Variants in MYO1B observed in about 807,000 individuals in gnomAD.
MYO1B encodes the protein unconventional myosin-Ib.
MYO1B carries 72 observed loss-of-function variants against 159.7 expected under a neutral mutation model. The observed-to-expected ratio is 0.45, with a 90% CI of 0.37 to 0.55. The LOEUF (loss-of-function observed/expected upper bound fraction) is 0.55. Ranked by LOEUF, MYO1B falls within the 20% of genes least tolerant of loss-of-function variation. The pLI is 0.00. For synonymous variants in MYO1B, 468 were observed against 473.8 expected, an observed-to-expected ratio of 0.99 and a Z score of 0.16; for missense variants, 1,062 against 1,364.8, an observed-to-expected ratio of 0.78 and a Z score of 3.50.
chr2:191,361,529 C>G (rs1381733862), intron 8 of MYO1B, among the ~76,000 whole-genome samples: 1 of 151,572 alleles, frequency 6.6e-6, no homozygotes, highest in East Asian at 1.9e-4. Flanking sequence ...GTCATCTTCA[C>G]TAATAATCAA....
At chr2:191,412,502 C>T (rs1697308377) in intron 27 of MYO1B, among the ~76,000 whole-genome samples, 1 of 152,226 alleles carries the variant, frequency 6.6e-6, no homozygotes, top group Admixed American at 6.5e-5. Context: ...ACTCACCCCA[C>T]AGCAGTGAGA....
At chr2:191,259,290 G>A (rs556077735) in intron 1 of MYO1B, among the ~76,000 whole-genome samples, 1 of 152,198 alleles carries the variant, frequency 6.6e-6, no homozygotes, top group African/African-American at 2.4e-5. Flanking sequence ...GTTTGAGTTG[G>A]TATTGCAACA....
intron 2 of MYO1B, among the ~76,000 whole-genome samples, chr2:191,291,148 G>T (rs1378158): frequency 0.99 from 151,282 of 152,338 alleles, 75,121 homozygotes; most frequent in East Asian, 1. Context: ...AAGGCTTTTC[G>T]TTTGGCTTCT....
chr2:191,393,162 A>T lies in MYO1B; in HGVS notation c.2166A>T (p.Thr722=), dbSNP rs771177370. Residue 722 remains threonine (T), a synonymous_variant, in exon 20 of 31, where the codon ACA becomes ACT. Coordinates refer to ENST00000392318, the MANE Select transcript of MYO1B (RefSeq NM_001130158.3). ...TATATCGGGGGTGGAAATGCCGCAC[A>T]CACTTCCTGCTAATGAAAAAAAGCC... ...QKIYRGWKCR[T]HFLLMKKSQI... is the part of the protein sequence containing the mutation. The T allele has an allele frequency of 3.1e-6, 5 of 1,614,048 alleles. No homozygotes were observed. Among genetic ancestry groups the T allele is most frequent in the Non-Finnish European group, 1.7e-6 (2 of 1,179,974 alleles).
intron 3 of MYO1B, among the ~76,000 whole-genome samples, chr2:191,303,089 A>G (rs6750360): frequency 0.53 from 80,500 of 152,064 alleles, 22,056 homozygotes; most frequent in East Asian, 0.65. Flanking sequence ...ATTTCTGACT[A>G]TATCTCAAAA....
Position 191,299,940 on chromosome 2 carries a change from T to G in MYO1B, c.251+3714T>G, listed in dbSNP as rs557998547. ...AAAGGAAAGCTATTTCTATTAACAA[T>G]GAGAATTATAGCAATTGTTGTAATA... On this transcript the variant is annotated intron_variant, in intron 3 of 30. Coordinates refer to ENST00000392318, the MANE Select transcript of MYO1B (RefSeq NM_001130158.3). Among the ~76,000 whole-genome samples, 12 of 152,338 alleles carry G rather than the reference T, an allele frequency of 7.9e-5. No individual in the cohort carries two copies. The South Asian group carries it at 2.5e-3, about 32-fold the overall frequency.
At chr2:191,416,325 C>T (rs1697562410) in intron 30 of MYO1B, 83 bp downstream of exon 30, 1 of 1,495,066 alleles carries the variant, frequency 6.7e-7, no homozygotes, top group African/African-American at 1.4e-5. Flanking sequence ...TTCATTAATA[C>T]AACTACTTAT....
chr2:191,331,397 G>T (rs1219844751), intron 4 of MYO1B, among the ~76,000 whole-genome samples: 1 of 152,124 alleles, frequency 6.6e-6, no homozygotes, highest in Non-Finnish European at 1.5e-5. Flanking sequence ...TGGATTTGTT[G>T]TACAGGTTCA....
intron 13 of MYO1B, among the ~76,000 whole-genome samples, chr2:191,372,760 A>G (rs892538031): frequency 3.9e-5 from 6 of 151,960 alleles, no homozygotes; most frequent in African/African-American, 1.5e-4. Flanking sequence ...GGTTAATTCA[A>G]GTTTCTCTCC....
intron 1 of MYO1B, among the ~76,000 whole-genome samples, chr2:191,259,784 C>T (rs1257820414): frequency 6.6e-6 from 1 of 152,110 alleles, no homozygotes. Context: ...TCTGGGATAA[C>T]TCCCTAGTTT....
At chr2:191,319,056 G>A (rs1456200873) in intron 3 of MYO1B, among the ~76,000 whole-genome samples, 2 of 152,100 alleles carry the variant, frequency 1.3e-5, no homozygotes, top group African/African-American at 4.8e-5. Flanking sequence ...AGGAAGAGGA[G>A]GGCTGCAGGG....
At chr2:191,350,838 TGAGG>T (rs1692871642) in intron 7 of MYO1B, among the ~76,000 whole-genome samples, 1 of 150,616 alleles carries the variant, frequency 6.6e-6, no homozygotes, top group Non-Finnish European at 1.5e-5. Context: ...CACAATCAGA[TGAGG>T]TCTGCTCATT....
At chr2:191,258,907 C>T (rs569878184) in intron 1 of MYO1B, among the ~76,000 whole-genome samples, 20 of 152,270 alleles carry the variant, frequency 1.3e-4, no homozygotes, top group African/African-American at 4.3e-4. Context: ...TAATTTATGT[C>T]CTTTGAAGTG....
intron 1 of MYO1B, among the ~76,000 whole-genome samples, chr2:191,259,916 G>A (rs1686692430): frequency 6.6e-6 from 1 of 152,116 alleles, no homozygotes; most frequent in Admixed American, 6.5e-5. Flanking sequence ...GCAAGGTCCG[G>A]AGCTTAGGGA....
intron 3 of MYO1B, among the ~76,000 whole-genome samples, chr2:191,311,134 A>G (rs1037960340): frequency 1.3e-5 from 2 of 152,194 alleles, no homozygotes; most frequent in Non-Finnish European, 2.9e-5. Context: ...ATATCCTTGT[A>G]TCCTCAGTTA....
chr2:191,382,501 C>T lies in MYO1B; in HGVS notation c.1291-779C>T, dbSNP rs1026725881. Among the ~76,000 whole-genome samples the T allele has an allele frequency of 5.3e-5, 8 of 152,178 alleles. 1 individual carries two copies. The highest frequency in any genetic ancestry group is 1.9e-4 in the African/African-American group (8 of 41,458). On this transcript the variant is annotated intron_variant, in intron 14 of 30. Coordinates refer to ENST00000392318, the MANE Select transcript of MYO1B (RefSeq NM_001130158.3). Reference sequence around the variant, plus strand: ...AAATATTCTAAAAGCACGATTCATTCTTTTCCTGTCTTCTCATCATGAAGA... The same window carrying T: ...AAATATTCTAAAAGCACGATTCATTTTTTTCCTGTCTTCTCATCATGAAGA...
At position 191,383,551 on chromosome 2, in the gene MYO1B, T is replaced by C. The variant is rs73984111; in HGVS notation, c.1353+209T>C. Among the ~76,000 whole-genome samples the C allele has an allele frequency of 3.1e-3, 437 of 141,064 alleles. 3 individuals are homozygous for C. The highest frequency in any genetic ancestry group is 0.011 in the African/African-American group (410 of 36,190). 92.5% of individuals were successfully genotyped at this position (141,064 alleles called of 152,430 possible). The stretch of plus-strand genomic sequence containing the variant: ...ACACACACACACACACACACACATA[T>C]ATATATATGTTAAGGAACTGCAGAG... On this transcript the variant is annotated intron_variant, in intron 15 of 30. Coordinates refer to ENST00000392318, the MANE Select transcript of MYO1B (RefSeq NM_001130158.3).
rs34444520 is a variant in MYO1B, at chr2:191,372,879, C to CTTTT, written c.1185+2610_1185+2613dup. Reference sequence around the variant, plus strand: ...TATGAAAATGCCTGCGTTATATTTCCTTTTTTTTTTTTTTTTTTTTTTTTT... The same window carrying CTTTT: ...TATGAAAATGCCTGCGTTATATTTCCTTTTTTTTTTTTTTTTTTTTTTTTTTTTT... On this transcript the variant is annotated intron_variant, in intron 13 of 30. Transcript: ENST00000392318. Among the ~76,000 whole-genome samples, 115 of 70,154 alleles carry CTTTT rather than the reference C, an allele frequency of 1.6e-3. 12 individuals carry two copies. Among genetic ancestry groups the CTTTT allele is most frequent in the African/African-American group, 5.3e-3 (90 of 16,904 alleles). The allele number at this position is 70,154 out of a possible 152,430, so 46.0% of individuals were successfully genotyped here.
At chr2:191,398,452 A>G in intron 21 of MYO1B, among the ~76,000 whole-genome samples, 1 of 137,168 alleles carries the variant, frequency 7.3e-6, no homozygotes, top group East Asian at 2.5e-4. Flanking sequence ...CCGGACGGAG[A>G]CGCTCCTCAC....
Sources: allele counts gnomAD v4.1 joint callset (sites outside exome capture counted in the v4.1 genomes callset), GRCh38; gene constraint gnomAD v4.1.1; transcripts MANE v1.5; gene names NCBI Gene and HGNC (gene_info 2026-07-23, HGNC 2026-07-21).